Variants in RBFOX1 observed in about 807,000 individuals in gnomAD.
RBFOX1 encodes RNA binding fox-1 homolog 1.
RBFOX1 carries 8 observed loss-of-function variants against 57.7 expected under a neutral mutation model. The observed-to-expected ratio is 0.14, with a 90% CI of 0.08 to 0.25. The LOEUF (loss-of-function observed/expected upper bound fraction) is 0.25, where lower values mean the gene tolerates loss of function less well. Among genes scored for constraint, RBFOX1 ranks in the 10% least tolerant of loss-of-function variants. The probability of loss-of-function intolerance (pLI) is 1.00; values close to 1 mark genes in which losing one functional copy is unlikely to be tolerated. For synonymous variants in RBFOX1, 326 were observed against 222.4 expected (o/e 1.47, Z -4.15); for missense variants, 611 against 548.5 (o/e 1.11, Z -1.14).
chr16:7,647,262 A>G (rs1307400949), intron 11 of RBFOX1, among the ~76,000 whole-genome samples: 2 of 152,182 alleles, frequency 1.3e-5, no homozygotes, highest in South Asian at 2.1e-4. Context: ...AAGATGCTCA[A>G]TTGGTATTTT....
At chr16:5,368,122 G>A (rs150451150) in intron 1 of RBFOX1, among the ~76,000 whole-genome samples, 1 of 152,168 alleles carries the variant, frequency 6.6e-6, no homozygotes, top group East Asian at 1.9e-4. Context: ...TATGATGAAT[G>A]GTAATTCCCT....
chr16:5,761,332 A>C (rs1209552971), intron 3 of RBFOX1, among the ~76,000 whole-genome samples: 5 of 152,218 alleles, frequency 3.3e-5, no homozygotes, highest in Non-Finnish European at 5.9e-5. Context: ...CTCAGCTGCA[A>C]AGAGATAGAT....
chr16:5,899,911 A>G (rs117777652), intron 4 of RBFOX1, among the ~76,000 whole-genome samples: 1,736 of 152,220 alleles, frequency 0.011, 12 homozygotes, highest in Non-Finnish European at 0.018. Flanking sequence ...CTGTCTCTAC[A>G]AAAATACAAA....
intron 11 of RBFOX1, among the ~76,000 whole-genome samples, chr16:7,643,957 C>G (rs1357823210): frequency 6.6e-6 from 1 of 152,134 alleles, no homozygotes; most frequent in African/African-American, 2.4e-5. Flanking sequence ...TGCAAATTAA[C>G]CCAGTCTATG....
chr16:7,464,688 C>CTTTTTTTTTTTTTTTTTTTTTTTT lies in RBFOX1; in HGVS notation c.28-53456_28-53433dup, dbSNP rs57553411. On this transcript the variant is annotated intron_variant, in intron 4 of 15. Transcript: ENST00000550418. Reference sequence around the variant, plus strand: ...CCGAAATACTTCTTGTATTGTCTGTCTTTTTTTTTTTTTTTTTTTTTTTTT... The same window carrying CTTTTTTTTTTTTTTTTTTTTTTTT: ...CCGAAATACTTCTTGTATTGTCTGTCTTTTTTTTTTTTTTTTTTTTTTTTTTTTTTTTTTTTTTTTTTTTTTTTT... Among the ~76,000 whole-genome samples, 2 of 62,232 alleles carry CTTTTTTTTTTTTTTTTTTTTTTTT rather than the reference C, an allele frequency of 3.2e-5. 1 individual carries two copies. The highest frequency in any genetic ancestry group is 1.4e-4 in the African/African-American group (2 of 14,440). The allele number at this position is 62,232 out of a possible 152,430, so 40.8% of individuals were successfully genotyped here.
chr16:6,865,019 T>TG (rs2059676783), intron 3 of RBFOX1, among the ~76,000 whole-genome samples: 2 of 138,234 alleles, frequency 1.4e-5, no homozygotes, highest in Non-Finnish European at 3.1e-5. Flanking sequence ...TTTTTTTTTT[T>TG]GAGATCGAAT....
intron 4 of RBFOX1, among the ~76,000 whole-genome samples, chr16:7,102,123 T>TG (rs145247499): frequency 0.017 from 2,559 of 152,296 alleles, 75 homozygotes; most frequent in African/African-American, 0.059. Flanking sequence ...GTCCTGCCTG[T>TG]GCCTACTTCT....
chr16:6,763,116 C>T (rs1037809366), intron 3 of RBFOX1, among the ~76,000 whole-genome samples: 22 of 152,212 alleles, frequency 1.4e-4, no homozygotes, highest in African/African-American at 5.3e-4. Flanking sequence ...CCACTGTCTC[C>T]TCCACCTCTA....
At chr16:6,767,507 C>G (rs1210045049) in intron 3 of RBFOX1, among the ~76,000 whole-genome samples, 2 of 152,026 alleles carry the variant, frequency 1.3e-5, no homozygotes, top group African/African-American at 4.8e-5. Context: ...CCAATTTGAG[C>G]CAGTGTTTTA....
chr16:6,601,114 C>G (rs562861743), intron 2 of RBFOX1, among the ~76,000 whole-genome samples: 21 of 152,124 alleles, frequency 1.4e-4, no homozygotes, highest in Non-Finnish European at 2.9e-4. Flanking sequence ...TTAAGTAACC[C>G]CTTTAGCCTA....
At chr16:7,061,682 T>G (rs1189129938) in intron 4 of RBFOX1, among the ~76,000 whole-genome samples, 1 of 152,204 alleles carries the variant, frequency 6.6e-6, no homozygotes, top group African/African-American at 2.4e-5. Flanking sequence ...AGGGAAAATC[T>G]ATTCCCATTT....
chr16:6,478,774 A>T (rs74005223), intron 2 of RBFOX1, among the ~76,000 whole-genome samples: 10,960 of 152,028 alleles, frequency 0.072, 1,254 homozygotes, highest in African/African-American at 0.24. Context: ...CAGTCAGAAC[A>T]CACACAATCT....
chr16:7,329,599 A>G (rs1447672180), intron 4 of RBFOX1, among the ~76,000 whole-genome samples: 1 of 152,224 alleles, frequency 6.6e-6, no homozygotes, highest in African/African-American at 2.4e-5. Flanking sequence ...AAGGTTTTGA[A>G]CGAGGACGAA....
At chr16:7,426,911 A>G (rs1355275001) in intron 4 of RBFOX1, among the ~76,000 whole-genome samples, 2 of 152,284 alleles carry the variant, frequency 1.3e-5, no homozygotes, top group South Asian at 4.1e-4. Context: ...TGGCAGATAC[A>G]CACCATGGAA....
intron 2 of RBFOX1, among the ~76,000 whole-genome samples, chr16:6,375,977 C>G (rs1371410688): frequency 6.6e-6 from 1 of 152,184 alleles, no homozygotes; most frequent in African/African-American, 2.4e-5. Context: ...CCTGCTGCCT[C>G]CAGCTCCCCC....
chr16:7,227,828 C>T (rs2093244125), intron 4 of RBFOX1, among the ~76,000 whole-genome samples: 1 of 152,208 alleles, frequency 6.6e-6, no homozygotes, highest in African/African-American at 2.4e-5. Context: ...TGTGGGTAAG[C>T]CCACGGTGAT....
chr16:7,663,516 TGTGTGTG>T (rs2068344241), intron 12 of RBFOX1, among the ~76,000 whole-genome samples: 1 of 151,864 alleles, frequency 6.6e-6, no homozygotes, highest in African/African-American at 2.4e-5. Context: ...TGTGTGTGTG[TGTGTGTG>T]TGTGTGTGTT....
intron 2 of RBFOX1, among the ~76,000 whole-genome samples, chr16:5,549,141 C>G (rs192411850): frequency 6.6e-6 from 1 of 152,274 alleles, no homozygotes; most frequent in African/African-American, 2.4e-5. Context: ...CTTGCTTCCT[C>G]CCCTGCCTGA....
At chr16:7,191,595 C>G (rs1002245352) in intron 4 of RBFOX1, among the ~76,000 whole-genome samples, 3 of 152,186 alleles carry the variant, frequency 2.0e-5, no homozygotes, top group African/African-American at 7.2e-5. Context: ...GCCTTAAACA[C>G]ATTTAAATTT....
Sources: allele counts gnomAD v4.1 joint callset (sites outside exome capture counted in the v4.1 genomes callset), GRCh38; gene constraint gnomAD v4.1.1; transcripts MANE v1.5; gene names NCBI Gene and HGNC (gene_info 2026-07-23, HGNC 2026-07-21).